The following SLC35D1 variants were observed in gnomAD, a reference collection of about 807,000 sequenced individuals.
The protein encoded by SLC35D1 is nucleotide sugar transporter SLC35D1.
In SLC35D1, 31 loss-of-function variants were observed where a neutral mutation model predicts 46.7. The observed-to-expected ratio is 0.66, with a 90% CI of 0.50 to 0.90. SLC35D1 has a LOEUF of 0.90. Among genes scored for constraint, SLC35D1 ranks in the 40% least tolerant of loss-of-function variants. The pLI is 0.00. For missense variants in SLC35D1, 397 were observed against 426.2 expected, an observed-to-expected ratio of 0.93 and a Z score of 0.60; for synonymous variants, 195 against 164.6, an observed-to-expected ratio of 1.18 and a Z score of -1.41.
chr1:66,984,483 T>G, the SLC35D1 span: 1 of 970,694 alleles, frequency 1.0e-6, no homozygotes, highest in African/African-American at 1.6e-5. Context: ...CTTGCTTCCT[T>G]GATAACAATA....
At chr1:67,020,631 A>G (rs1275869759) in intron 9 of SLC35D1, among the ~76,000 whole-genome samples, 184 bp from the exon 10 acceptor site, 4 of 152,186 alleles carry the variant, frequency 2.6e-5, no homozygotes. Context: ...ATAGAAACAC[A>G]TTCATCTCCT....
the SLC35D1 span, among the ~76,000 whole-genome samples, chr1:66,993,350 G>T: frequency 6.6e-6 from 1 of 152,144 alleles, no homozygotes; most frequent in African/African-American, 2.4e-5. Context: ...GGACACCTTA[G>T]AGTTGGTCAC....
chr1:67,021,682 G>T (rs1047323849), intron 8 of SLC35D1, 80 bp from the exon 9 acceptor site: 2 of 1,123,928 alleles, frequency 1.8e-6, no homozygotes, highest in Middle Eastern at 2.0e-4. Context: ...ATCCTTCTAC[G>T]AGTCTGCCTC....
the SLC35D1 span, among the ~76,000 whole-genome samples, chr1:66,981,253 A>AC: frequency 6.1e-3 from 925 of 152,314 alleles, 7 homozygotes; most frequent in African/African-American, 0.021. Context: ...ACAGGATAAA[A>AC]CCAGCAGATA....
chr1:66,974,002 A>T, the SLC35D1 span, among the ~76,000 whole-genome samples: 52 of 152,088 alleles, frequency 3.4e-4, no homozygotes, highest in East Asian at 0.01. Flanking sequence ...TTTGACACAT[A>T]TTTAATATTT....
At chr1:67,052,886 T>A in intron 2 of SLC35D1, 29 bp from the exon 3 acceptor site, 1 of 1,613,912 alleles carries the variant, frequency 6.2e-7, no homozygotes, top group Non-Finnish European at 8.5e-7. Context: ...AGATTCACTG[T>A]TCTACACATA....
At chr1:67,032,854 C>T (rs577975770) in intron 8 of SLC35D1, among the ~76,000 whole-genome samples, 8 of 152,218 alleles carry the variant, frequency 5.3e-5, no homozygotes, top group African/African-American at 1.9e-4. Flanking sequence ...TTTTTTCTAA[C>T]CATTTTTTGT....
the SLC35D1 span, among the ~76,000 whole-genome samples, chr1:66,980,896 G>A: frequency 1.3e-5 from 2 of 152,026 alleles, no homozygotes; most frequent in Non-Finnish European, 2.9e-5. Flanking sequence ...TTGTGCAGTT[G>A]TTGCAGGAAA....
intron 7 of SLC35D1, 32 bp downstream of exon 7, chr1:67,047,233 C>T (rs371686526): frequency 3.3e-6 from 5 of 1,535,242 alleles, no homozygotes; most frequent in African/African-American, 2.7e-5. Flanking sequence ...AACATCAGTA[C>T]ACAACTGTTA....
Position 67,020,711 on chromosome 1 carries a change from T to C in SLC35D1, c.798-264A>G, listed in dbSNP as rs115267525. On this transcript the variant is annotated intron_variant, in intron 9 of 11. Coordinates refer to ENST00000235345, the MANE Select transcript of SLC35D1 (RefSeq NM_015139.3). ...TCTCTTACAATCATGACTATTTTTA[T>C]AGATCATGCTTCCTACTAATACACC... 4.5e-3 allele frequency among the ~76,000 whole-genome samples: 688 copies of C among 152,302 alleles called. 4 individuals are homozygous for C. Among genetic ancestry groups the C allele is most frequent in the African/African-American group, 0.016 (645 of 41,562 alleles).
Position 67,021,616 on chromosome 1 carries a change from G to C in SLC35D1, c.730-14C>G, listed in dbSNP as rs374013817. 6.2e-7 allele frequency: 1 copy of C among 1,610,996 alleles called. No homozygotes were observed. Among genetic ancestry groups the C allele is most frequent in the African/African-American group, 1.3e-5 (1 of 74,780 alleles). On this transcript the variant is annotated splice_polypyrimidine_tract_variant and intron_variant, in intron 8 of 11. Coordinates refer to ENST00000235345, the MANE Select transcript of SLC35D1 (RefSeq NM_015139.3). Reference sequence around the variant, plus strand: ...AAACTCCACAGCCTGCAACACACAAGAAAGCATTAAATTTTAGACCAGGCC... The same window carrying C: ...AAACTCCACAGCCTGCAACACACAACAAAGCATTAAATTTTAGACCAGGCC...
intron 7 of SLC35D1, among the ~76,000 whole-genome samples, chr1:67,045,726 A>G (rs1453183457): frequency 6.6e-6 from 1 of 152,180 alleles, no homozygotes; most frequent in Non-Finnish European, 1.5e-5. Flanking sequence ...AGCTATTTCA[A>G]TTTAATTATA....
intron 8 of SLC35D1, among the ~76,000 whole-genome samples, chr1:67,031,573 C>T (rs1486458527): frequency 1.3e-5 from 2 of 152,100 alleles, no homozygotes; most frequent in Non-Finnish European, 2.9e-5. Context: ...GGCAAGGCAA[C>T]AACATGTTCT....
chr1:67,021,680 A>T, intron 8 of SLC35D1, 78 bp from the exon 9 acceptor site: 4 of 1,285,442 alleles, frequency 3.1e-6, no homozygotes, highest in Non-Finnish European at 4.4e-6. Context: ...AAATCCTTCT[A>T]CGAGTCTGCC....
intron 1 of SLC35D1, 39 bp downstream of exon 1, chr1:67,053,772 C>CG (rs1422646138): frequency 4.1e-5 from 62 of 1,496,968 alleles, no homozygotes; most frequent in Non-Finnish European, 5.2e-5. Context: ...GCCGCCCGCT[C>CG]CTCCTCCGCG....
At chr1:66,985,814 ATTTTTT>A in the SLC35D1 span, 113 of 629,716 alleles carry the variant, frequency 1.8e-4, no homozygotes, top group Non-Finnish European at 1.9e-4. Flanking sequence ...GGATTATAAA[ATTTTTT>A]TTTTTTTTTT....
At chr1:67,030,223 T>G (rs1290971957) in intron 8 of SLC35D1, among the ~76,000 whole-genome samples, 2 of 152,226 alleles carry the variant, frequency 1.3e-5, no homozygotes, top group South Asian at 2.1e-4. Context: ...TATTAAGGCT[T>G]CTTCCAGTTG....
At chr1:66,991,715 C>T in the SLC35D1 span, among the ~76,000 whole-genome samples, 1 of 152,174 alleles carries the variant, frequency 6.6e-6, no homozygotes, top group Admixed American at 6.5e-5. Context: ...ACTATATCTC[C>T]TATTGTTCCT....
At chr1:66,978,681 C>T in the SLC35D1 span, among the ~76,000 whole-genome samples, 284 of 152,194 alleles carry the variant, frequency 1.9e-3, no homozygotes, top group Non-Finnish European at 3.3e-3. Flanking sequence ...AATGTTCACA[C>T]GTGAGCTACA....
Sources: allele counts gnomAD v4.1 joint callset (sites outside exome capture counted in the v4.1 genomes callset), GRCh38; gene constraint gnomAD v4.1.1; transcripts MANE v1.5; gene names NCBI Gene and HGNC (gene_info 2026-07-23, HGNC 2026-07-21).